The following COLEC10 variants were observed in gnomAD, a reference collection of about 807,000 sequenced individuals.
The protein encoded by COLEC10 is collectin-10.
Under a neutral mutation model 28.4 loss-of-function variants are expected in COLEC10, and 22 were observed. The observed-to-expected ratio is 0.78, with a 90% CI of 0.55 to 1.11. The LOEUF is 1.11. Among genes scored for constraint, COLEC10 ranks in the 50% least tolerant of loss-of-function variants. COLEC10 has a pLI of 0.00. For missense variants in COLEC10, 361 were observed against 344.1 expected (o/e 1.05, Z -0.39); for synonymous variants, 125 against 116.1 (o/e 1.08, Z -0.49).
chr8:118,977,599 G>A, the COLEC10 span, among the ~76,000 whole-genome samples: 1 of 121,582 alleles, frequency 8.2e-6, no homozygotes, highest in East Asian at 2.6e-4. Flanking sequence ...GTGGACTGTT[G>A]TGGGGTGGGG....
At chr8:119,071,553 G>A (rs561461928) in intron 1 of COLEC10, among the ~76,000 whole-genome samples, 1 of 152,226 alleles carries the variant, frequency 6.6e-6, no homozygotes, top group South Asian at 2.1e-4. Flanking sequence ...TAGCTCAAAT[G>A]CCATCTGTGC....
the COLEC10 span, among the ~76,000 whole-genome samples, chr8:118,983,141 C>T: frequency 1.1e-4 from 17 of 152,168 alleles, no homozygotes; most frequent in Non-Finnish European, 1.8e-4. Context: ...TGGTGTTCCA[C>T]AGAATTAGAG....
chr8:119,095,441 G>T (rs780490945), intron 3 of COLEC10, among the ~76,000 whole-genome samples: 1 of 152,178 alleles, frequency 6.6e-6, no homozygotes, highest in Non-Finnish European at 1.5e-5. Flanking sequence ...GGTGGCTCAT[G>T]CTTTTAATCC....
intron 2 of COLEC10, among the ~76,000 whole-genome samples, chr8:119,048,949 T>C (rs1439250244): frequency 6.6e-6 from 1 of 152,166 alleles, no homozygotes; most frequent in Non-Finnish European, 1.5e-5. Flanking sequence ...TGGGTTTAAG[T>C]GTGTTTTTGT....
At chr8:119,013,598 T>A (rs1263711576) in intron 2 of COLEC10, among the ~76,000 whole-genome samples, 1 of 150,888 alleles carries the variant, frequency 6.6e-6, no homozygotes, top group Non-Finnish European at 1.5e-5. Flanking sequence ...ACCATAACAG[T>A]GGATTAATCA....
At chr8:119,008,464 T>C (rs1309975414) in intron 1 of COLEC10, among the ~76,000 whole-genome samples, 2 of 135,430 alleles carry the variant, frequency 1.5e-5, no homozygotes, top group African/African-American at 6.2e-5. Flanking sequence ...ATCATGAGGG[T>C]TTATTTTTAC....
the COLEC10 span, among the ~76,000 whole-genome samples, chr8:118,952,739 C>T: frequency 2.0e-5 from 3 of 152,192 alleles, no homozygotes; most frequent in Non-Finnish European, 4.4e-5. Context: ...ACGCGCTGAA[C>T]TTCTGGAGTA....
intron 1 of COLEC10, among the ~76,000 whole-genome samples, chr8:119,073,606 T>C (rs1815166881): frequency 6.6e-6 from 1 of 152,130 alleles, no homozygotes; most frequent in African/African-American, 2.4e-5. Context: ...CTTAGAACAA[T>C]TTTTCATCTC....
chr8:119,104,430 C>T lies in COLEC10; in HGVS notation c.442+535C>T, dbSNP rs970280421. Among the ~76,000 whole-genome samples, 4 of 152,088 alleles carry T rather than the reference C, an allele frequency of 2.6e-5. No homozygotes were observed. In the East Asian group the frequency reaches 7.7e-4, roughly 29 times the overall value. ...TGTAGTACAAGCTTCTCTGACTCCT[C>T]TATCCACAATACAAACATAATGTGT... On this transcript the variant is annotated intron_variant, in intron 5 of 5. Coordinates refer to ENST00000332843, the MANE Select transcript of COLEC10 (RefSeq NM_006438.5).
chr8:119,058,335 A>G (rs759773092), intron 2 of COLEC10, among the ~76,000 whole-genome samples: 16 of 152,032 alleles, frequency 1.1e-4, no homozygotes, highest in African/African-American at 3.9e-4. Flanking sequence ...GTATGCTTAT[A>G]TAGTTGTGCA....
chr8:119,001,138 A>T (rs1813691757), intron 1 of COLEC10, among the ~76,000 whole-genome samples: 1 of 152,150 alleles, frequency 6.6e-6, no homozygotes, highest in Non-Finnish European at 1.5e-5. Context: ...AGGCATTATT[A>T]GGTGATGATA....
intron 2 of COLEC10, among the ~76,000 whole-genome samples, chr8:119,015,847 C>T (rs968566205): frequency 2.6e-5 from 4 of 152,088 alleles, no homozygotes; most frequent in African/African-American, 9.7e-5. Context: ...TCCTTACATG[C>T]TGTACTAGAA....
chr8:119,044,963 A>G (rs1814562413), intron 2 of COLEC10, among the ~76,000 whole-genome samples: 1 of 152,210 alleles, frequency 6.6e-6, no homozygotes, highest in African/African-American at 2.4e-5. Flanking sequence ...CATCTATAAA[A>G]TAAAGGGAAT....
intron 2 of COLEC10, among the ~76,000 whole-genome samples, chr8:119,049,863 G>C (rs1033249614): frequency 6.6e-6 from 1 of 152,128 alleles, no homozygotes; most frequent in East Asian, 1.9e-4. Flanking sequence ...TTAATGATGA[G>C]GGAATTCAAT....
Position 119,106,393 on chromosome 8 carries a change from A to T in COLEC10, c.*202A>T. ...CACATGGTATATTATTGACCCAATAACTCGCCAGGTTACATGGGTCTTGAG... is the reference window on the plus strand; with the variant it reads ...CACATGGTATATTATTGACCCAATATCTCGCCAGGTTACATGGGTCTTGAG... On this transcript the variant is annotated 3_prime_UTR_variant, in exon 6 of 6. Transcript: ENST00000332843. The T allele has an allele frequency of 1.9e-6, 1 of 517,606 alleles. No homozygotes were observed. The highest frequency in any genetic ancestry group is 3.0e-5 in the South Asian group (1 of 33,258). The allele number at this position is 517,606 out of a possible 1,614,324, so 32.1% of individuals were successfully genotyped here. A position where few individuals can be genotyped will look rare whatever the true frequency, so the allele number is the denominator to read the frequency against.
intron 1 of COLEC10, among the ~76,000 whole-genome samples, chr8:119,002,950 G>C (rs1308169692): frequency 6.6e-6 from 1 of 152,100 alleles, no homozygotes; most frequent in African/African-American, 2.4e-5. Flanking sequence ...AATTAGGGTA[G>C]GAGAATTCTT....
intron 2 of COLEC10, among the ~76,000 whole-genome samples, chr8:119,060,566 C>T (rs940781029): frequency 2.6e-5 from 4 of 152,118 alleles, no homozygotes; most frequent in African/African-American, 9.7e-5. Context: ...TAGTGAGCTA[C>T]AGAAGACTAA....
At chr8:118,986,450 T>C in the COLEC10 span, among the ~76,000 whole-genome samples, 4 of 152,096 alleles carry the variant, frequency 2.6e-5, no homozygotes, top group Non-Finnish European at 4.4e-5. Context: ...CCATTCTAAA[T>C]AAACCTGTTA....
At chr8:118,961,883 A>G in the COLEC10 span, among the ~76,000 whole-genome samples, 1 of 152,218 alleles carries the variant, frequency 6.6e-6, no homozygotes, top group Non-Finnish European at 1.5e-5. Context: ...TTCCTAAGAA[A>G]TGAAAAGAGG....
Sources: gnomAD v4.1 joint callset for allele counts (sites outside exome capture counted in the v4.1 genomes callset) on GRCh38, gnomAD v4.1.1 for gene constraint, MANE v1.5 for transcripts, NCBI Gene and HGNC (gene_info 2026-07-23, HGNC 2026-07-21) for gene names.